DYNC2I1: variants seen among roughly 807,000 people sequenced by gnomAD.
DYNC2I1 encodes the protein cytoplasmic dynein 2 intermediate chain 1.
Under a neutral mutation model 133.4 loss-of-function variants are expected in DYNC2I1, and 89 were observed. That is an observed-to-expected ratio of 0.67 (90% confidence interval 0.56 to 0.80). DYNC2I1 has a LOEUF of 0.80. Ranked by LOEUF, DYNC2I1 falls within the 30% of genes least tolerant of loss-of-function variation. The pLI, the probability that DYNC2I1 is intolerant of heterozygous loss-of-function variation, is 0.00. For missense variants in DYNC2I1, 1,291 were observed against 1,314.5 expected (o/e 0.98, Z 0.28); for synonymous variants, 504 against 484.3 (o/e 1.04, Z -0.54).
At chr7:158,854,715 C>T (rs377110901), upstream of DYNC2I1, among the ~76,000 whole-genome samples, 1 of 152,142 alleles carries the variant, frequency 6.6e-6, no homozygotes, top group Non-Finnish European at 1.5e-5. Context: ...AACTATTCTA[C>T]GACCAGGAAT....
At position 158,871,139 on chromosome 7, in the gene DYNC2I1, C is replaced by T. The variant is rs372469417; in HGVS notation, c.70-3C>T. 10 of 1,608,834 alleles carry T rather than the reference C, an allele frequency of 6.2e-6. No homozygotes were observed. Among genetic ancestry groups the T allele is most frequent in the Non-Finnish European group, 2.5e-6 (3 of 1,177,766 alleles). On this transcript the variant is annotated splice_region_variant and splice_polypyrimidine_tract_variant and intron_variant, in intron 2 of 24. Transcript: ENST00000407559. ...CGGAGGACCCTTTGTTCTCTTGTTT[C>T]AGGCCATACAGTCAGGTGGTTCCAA... is the stretch of plus-strand genomic sequence containing the variant.
upstream of DYNC2I1, among the ~76,000 whole-genome samples, chr7:158,852,115 G>C (rs1328425113): frequency 6.6e-6 from 1 of 151,732 alleles, no homozygotes; most frequent in East Asian, 1.9e-4. Flanking sequence ...CTGGGCGCCT[G>C]AGATTCTAAG....
At chr7:158,856,842 C>G (rs1190295707) in intron 1 of DYNC2I1, 92 bp downstream of exon 1, 3 of 1,207,706 alleles carry the variant, frequency 2.5e-6, no homozygotes, top group Non-Finnish European at 2.1e-6. Flanking sequence ...CCTCCCTTTG[C>G]GCAGCGGTTC....
At chr7:158,952,798 G>A (rs566013908) in intron 4 of DYNC2I1, among the ~76,000 whole-genome samples, 4 of 152,104 alleles carry the variant, frequency 2.6e-5, no homozygotes, top group South Asian at 2.1e-4. Flanking sequence ...GACAGAATCC[G>A]CACCTTCATG....
At position 158,922,421 on chromosome 7, in the gene DYNC2I1, ATGG is replaced by A; in HGVS notation, c.1971_1973del (p.Val658del). 1 of 1,613,956 alleles carries A rather than the reference ATGG, an allele frequency of 6.2e-7. No individual in the cohort carries two copies. Among genetic ancestry groups the A allele is most frequent in the Non-Finnish European group, 8.5e-7 (1 of 1,179,892 alleles). The stretch of plus-strand genomic sequence containing the variant: ...GCACACCTCCCGAGTTCAGAGGCAG[ATGG>A]TGGTCTCCGTTCACGACTTACCCGA... On this transcript the variant is annotated inframe_deletion, in exon 16 of 25. Transcript: ENST00000407559.
At position 158,870,659 on chromosome 7, in the gene DYNC2I1, T is replaced by TA. The variant is rs561411690; in HGVS notation, c.70-482dup. Among the ~76,000 whole-genome samples the TA allele has an allele frequency of 2.8e-3, 419 of 152,268 alleles. 2 individuals are homozygous for TA. Among genetic ancestry groups the TA allele is most frequent in the African/African-American group, 9.8e-3 (407 of 41,554 alleles). On this transcript the variant is annotated intron_variant, in intron 2 of 24. Transcript: ENST00000407559. The stretch of plus-strand genomic sequence containing the variant: ...AAGTGCTGGGATAATAGGTGTGAGA[T>TA]ACCATGCCTGGTCCTACTTATTTTT...
chr7:158,939,047 A>G (rs1851063573), intron 23 of DYNC2I1, among the ~76,000 whole-genome samples: 1 of 152,200 alleles, frequency 6.6e-6, no homozygotes. Context: ...TGAGAGGGTT[A>G]AAGTGTAGAA....
intron 21 of DYNC2I1, among the ~76,000 whole-genome samples, chr7:158,933,043 C>A (rs2527190): frequency 0.48 from 73,478 of 151,732 alleles, 18,377 homozygotes; most frequent in Non-Finnish European, 0.54. Context: ...ATAGCAGAAA[C>A]CCCAGATGGA....
chr7:158,871,062 GCTT>G, intron 2 of DYNC2I1, 77 bp from the exon 3 acceptor site: 1 of 1,466,964 alleles, frequency 6.8e-7, no homozygotes, highest in Non-Finnish European at 9.2e-7. Context: ...AGCTGTGTGT[GCTT>G]CTCACATTCA....
At chr7:158,913,328 A>AT (rs1204867470) in intron 13 of DYNC2I1, among the ~76,000 whole-genome samples, 1 of 152,218 alleles carries the variant, frequency 6.6e-6, no homozygotes, top group Non-Finnish European at 1.5e-5. Flanking sequence ...AGTCTGTGCC[A>AT]TTGCCAGGAT....
intron 20 of DYNC2I1, among the ~76,000 whole-genome samples, chr7:158,929,581 A>G (rs1850002684): frequency 2.6e-5 from 4 of 152,206 alleles, no homozygotes; most frequent in Non-Finnish European, 5.9e-5. Flanking sequence ...CACATTTGTG[A>G]ATAGTGGCGT....
intron 8 of DYNC2I1, among the ~76,000 whole-genome samples, chr7:158,900,757 G>A (rs1046359175): frequency 2.2e-5 from 2 of 91,944 alleles, no homozygotes; most frequent in African/African-American, 4.4e-5. Flanking sequence ...TTTCCTTCCC[G>A]CTTTTTGTTC....
chr7:158,909,378 G>A (rs1289155960), intron 11 of DYNC2I1, among the ~76,000 whole-genome samples: 1 of 146,808 alleles, frequency 6.8e-6, no homozygotes, highest in Admixed American at 6.8e-5. Flanking sequence ...GTACTGATGA[G>A]AATGTAGAGA....
At chr7:158,917,842 C>G (rs1222590141) in intron 14 of DYNC2I1, among the ~76,000 whole-genome samples, 1 of 152,180 alleles carries the variant, frequency 6.6e-6, no homozygotes, top group East Asian at 1.9e-4. Context: ...TTTCTTCCTT[C>G]TTCACACCCA....
chr7:158,891,148 C>A, intron 7 of DYNC2I1, 117 bp from the exon 8 acceptor site: 1 of 1,077,828 alleles, frequency 9.3e-7, no homozygotes, highest in South Asian at 1.3e-5. Context: ...GTAGTCTGTG[C>A]ACCTGTTTGC....
chr7:158,891,177 G>A (rs534025874), intron 7 of DYNC2I1, 88 bp from the exon 8 acceptor site: 9 of 1,460,244 alleles, frequency 6.2e-6, no homozygotes, highest in South Asian at 5.7e-5. Context: ...GGCGGGCTCC[G>A]CAGTGGTGGG....
At chr7:158,939,643 A>G (rs564217840) in intron 23 of DYNC2I1, among the ~76,000 whole-genome samples, 94 of 152,282 alleles carry the variant, frequency 6.2e-4, no homozygotes, top group African/African-American at 2.0e-3. Flanking sequence ...CTGAATGTAA[A>G]TGGTCTCAAT....
chr7:158,840,280 GT>G, the DYNC2I1 span, among the ~76,000 whole-genome samples: 2 of 151,990 alleles, frequency 1.3e-5, no homozygotes, highest in Non-Finnish European at 2.9e-5. Flanking sequence ...AGAAAAAATG[GT>G]TTTGGCCGGG....
intron 9 of DYNC2I1, 78 bp from the exon 10 acceptor site, chr7:158,902,298 T>C (rs1846331534): frequency 8.6e-7 from 1 of 1,162,824 alleles, no homozygotes; most frequent in Admixed American, 2.3e-5. Flanking sequence ...TTATAAAGTG[T>C]CATGTTTTGT....
Sources: allele counts gnomAD v4.1 joint callset (sites outside exome capture counted in the v4.1 genomes callset), GRCh38; gene constraint gnomAD v4.1.1; transcripts MANE v1.5; gene names NCBI Gene and HGNC (gene_info 2026-07-23, HGNC 2026-07-21).